Variants in KPNB1 observed in about 807,000 individuals in gnomAD.
KPNB1 encodes the protein importin subunit beta-1.
In KPNB1, 7 loss-of-function variants were observed where a neutral mutation model predicts 113.0. The ratio of observed to expected loss-of-function variants is 0.06; its 90% CI spans 0.04 to 0.12. The LOEUF (loss-of-function observed/expected upper bound fraction) is 0.12. Among genes scored for constraint, KPNB1 ranks in the 10% least tolerant of loss-of-function variants. The pLI, the probability that KPNB1 is intolerant of heterozygous loss-of-function variation, is 1.00. For missense variants in KPNB1, 400 were observed against 1,054.8 expected (o/e 0.38, Z 8.60); for synonymous variants, 363 against 378.6 (o/e 0.96, Z 0.48).
chr17:47,673,555 T>G lies in KPNB1; in HGVS notation c.1761T>G (p.Thr587=). 6.2e-7 allele frequency: 1 copy of G among 1,610,460 alleles called. No homozygotes were observed. Among genetic ancestry groups the G allele is most frequent in the Non-Finnish European group, 8.5e-7 (1 of 1,176,634 alleles). ...ACCTTCAGTCTTTACTCTGTGCAAC[T>G]CTTCAGGTATGGTGGTGCCTTATGA... ...FNDLQSLLCA[T]LQNVLRKVQH... The change falls in exon 14 of 22, where the codon ACT becomes ACG. Residue 587 remains threonine, a synonymous_variant. Coordinates refer to ENST00000290158, the MANE Select transcript of KPNB1 (RefSeq NM_002265.6).
At chr17:47,652,952 A>T in intron 3 of KPNB1, 76 bp downstream of exon 3, 2 of 1,152,898 alleles carry the variant, frequency 1.7e-6, no homozygotes, top group Non-Finnish European at 2.5e-6. Context: ...TGCTATTTGC[A>T]TGGGATAGAG....
chr17:47,681,307 C>T (rs570382122), intron 21 of KPNB1, among the ~76,000 whole-genome samples: 209 of 145,312 alleles, frequency 1.4e-3, no homozygotes, highest in Admixed American at 2.3e-3. Flanking sequence ...CTCGCTCTGT[C>T]GCCCAGGCTG....
At chr17:47,669,233 T>G (rs938925771) in intron 10 of KPNB1, among the ~76,000 whole-genome samples, 2 of 152,114 alleles carry the variant, frequency 1.3e-5, no homozygotes, top group Non-Finnish European at 2.9e-5. Flanking sequence ...CTCAGCCCCC[T>G]GAGTAGGTGG....
chr17:47,670,321 A>G (rs1190898169), intron 11 of KPNB1: 1 of 214,602 alleles, frequency 4.7e-6, no homozygotes, highest in Non-Finnish European at 9.6e-6. Flanking sequence ...TTTCTGTGAA[A>G]GGAAACAGAA....
At chr17:47,651,558 G>C (rs569815308) in intron 2 of KPNB1, among the ~76,000 whole-genome samples, 1 of 152,184 alleles carries the variant, frequency 6.6e-6, no homozygotes, top group Non-Finnish European at 1.5e-5. Context: ...TCCTAGAAGA[G>C]ATTTTTCCAC....
intron 2 of KPNB1, 70 bp downstream of exon 2, chr17:47,650,514 C>T (rs1311042598): frequency 1.8e-5 from 26 of 1,443,264 alleles, no homozygotes; most frequent in South Asian, 2.4e-5. Context: ...TCCCGCCCTC[C>T]CGGAGGCCCA....
chr17:47,669,543 T>C (rs1398357325), intron 10 of KPNB1, 135 bp from the exon 11 acceptor site: 2 of 603,278 alleles, frequency 3.3e-6, no homozygotes, highest in Non-Finnish European at 6.0e-6. Context: ...TTTCACACCA[T>C]GTCCTGTAAA....
At chr17:47,652,636 C>G in intron 2 of KPNB1, 58 bp from the exon 3 acceptor site, 3 of 1,387,350 alleles carry the variant, frequency 2.2e-6, no homozygotes, top group Non-Finnish European at 2.9e-6. Context: ...TATAAATTAT[C>G]CTCAGTTGTG....
chr17:47,650,629 C>G (rs1190111933), intron 2 of KPNB1, among the ~76,000 whole-genome samples, 185 bp downstream of exon 2: 2 of 145,052 alleles, frequency 1.4e-5, no homozygotes, highest in Admixed American at 1.4e-4. Context: ...GTGGGTGTGT[C>G]CCGCCCCGGG....
intron 19 of KPNB1, 90 bp from the exon 20 acceptor site, chr17:47,679,930 C>A: frequency 1.3e-6 from 1 of 769,226 alleles, no homozygotes; most frequent in Non-Finnish European, 2.3e-6. Context: ...ATCTTCTGAC[C>A]TTGTGATCCA....
Position 47,681,686 on chromosome 17 carries a change from G to GTTT in KPNB1, c.*-695_*-693dup, listed in dbSNP as rs59222945. Among the ~76,000 whole-genome samples the GTTT allele has an allele frequency of 2.9e-3, 276 of 96,040 alleles. 3 individuals carry two copies. The highest frequency in any genetic ancestry group is 4.2e-3 in the Non-Finnish European group (221 of 52,832). 63.0% of individuals were successfully genotyped at this position (96,040 alleles called of 152,430 possible). On this transcript the variant is annotated intron_variant, in intron 21 of 21. Transcript: ENST00000290158. ...GCCTCCTAAATTGCTGGAATTATAG[G>GTTT]TTTTTTTTTTTTTTTTTTTTTTTTT...
At chr17:47,651,118 A>C (rs965595176) in intron 2 of KPNB1, 1 of 612,622 alleles carries the variant, frequency 1.6e-6, no homozygotes, top group African/African-American at 2.0e-5. Context: ...CAGAAAACAG[A>C]CTGAGGCTCA....
intron 15 of KPNB1, among the ~76,000 whole-genome samples, chr17:47,675,449 C>T (rs1323903970): frequency 1.4e-5 from 2 of 143,610 alleles, no homozygotes; most frequent in Non-Finnish European, 3.0e-5. Flanking sequence ...CATCTTGGCT[C>T]ACCACAGCCT....
At chr17:47,662,140 C>T (rs1055276381) in intron 6 of KPNB1, 1 of 152,202 alleles carries the variant, frequency 6.6e-6, no homozygotes, top group Non-Finnish European at 1.5e-5. Context: ...GGCGCGGTGG[C>T]TTACGCCTGT....
intron 5 of KPNB1, among the ~76,000 whole-genome samples, chr17:47,659,396 C>CTATATA (rs2030021120): frequency 6.6e-6 from 1 of 151,896 alleles, no homozygotes; most frequent in South Asian, 2.1e-4. Context: ...ATGGTATGTA[C>CTATATA]TATATATGTT....
At chr17:47,677,472 C>CAAA (rs746941632) in intron 17 of KPNB1, among the ~76,000 whole-genome samples, 11 of 53,210 alleles carry the variant, frequency 2.1e-4, no homozygotes, top group South Asian at 6.2e-4. Flanking sequence ...AACTCCGTCT[C>CAAA]AAAAAAAAAA....
chr17:47,656,243 G>T (rs1202397187), intron 3 of KPNB1, among the ~76,000 whole-genome samples: 1 of 143,462 alleles, frequency 7.0e-6, no homozygotes, highest in Non-Finnish European at 1.5e-5. Flanking sequence ...TGGGGGACAC[G>T]AGCGAGACTT....
rs1481818481 is a variant in KPNB1, at chr17:47,683,139, C to T, written c.*735C>T. The T allele has an allele frequency of 8.2e-6, 1 of 122,216 alleles. No homozygotes were observed. The highest frequency in any genetic ancestry group is 2.5e-4 in the East Asian group (1 of 4,064). The allele number at this position is 122,216 out of a possible 1,614,324, so 7.6% of individuals were successfully genotyped here. On this transcript the variant is annotated 3_prime_UTR_variant, in exon 22 of 22. Coordinates refer to ENST00000290158, the MANE Select transcript of KPNB1 (RefSeq NM_002265.6). ...AAAAAACACACACACAGAGGAAAGA[C>T]GCTCTTTAGGTTTTGTTTTGTTTTT...
chr17:47,653,271 AT>A (rs3067142), intron 3 of KPNB1, among the ~76,000 whole-genome samples: 103 of 109,838 alleles, frequency 9.4e-4, no homozygotes, highest in East Asian at 1.7e-3. Flanking sequence ...AGCTCAGGGA[AT>A]TTTTTTTTTT....
Sources: allele counts gnomAD v4.1 joint callset (sites outside exome capture counted in the v4.1 genomes callset), GRCh38; gene constraint gnomAD v4.1.1; transcripts MANE v1.5; gene names NCBI Gene and HGNC (gene_info 2026-07-23, HGNC 2026-07-21).